The following CCDC63 variants were observed in gnomAD, a reference collection of about 807,000 sequenced individuals.
The protein encoded by CCDC63 is coiled-coil domain containing 63.
A neutral mutation model predicts 63.6 loss-of-function variants in CCDC63; 54 were observed. The observed-to-expected ratio is 0.85, with a 90% CI of 0.68 to 1.07. The LOEUF is 1.07. CCDC63 is among the 50% of genes least tolerant of loss of function. CCDC63 has a pLI of 0.00. For missense variants in CCDC63, 637 were observed against 689.6 expected, an observed-to-expected ratio of 0.92 and a Z score of 0.86; for synonymous variants, 253 against 266.1, an observed-to-expected ratio of 0.95 and a Z score of 0.48.
chr12:110,876,937 G>A (rs1455824411), intron 5 of CCDC63, among the ~76,000 whole-genome samples: 6 of 151,304 alleles, frequency 4.0e-5, no homozygotes, highest in African/African-American at 1.2e-4. Context: ...CTAGCTGCTC[G>A]GTAGGCTGAG....
chr12:110,875,709 T>C (rs190823697), intron 5 of CCDC63, among the ~76,000 whole-genome samples: 1 of 152,346 alleles, frequency 6.6e-6, no homozygotes, highest in East Asian at 1.9e-4. Flanking sequence ...AATGCTCCTT[T>C]TTATATTTCT....
intron 8 of CCDC63, among the ~76,000 whole-genome samples, chr12:110,891,867 G>T (rs1478661518): frequency 1.3e-5 from 2 of 152,134 alleles, no homozygotes; most frequent in African/African-American, 4.8e-5. Context: ...ACAACAGACA[G>T]CCCTGAGGGT....
Position 110,863,747 on chromosome 12 carries a change from G to C in CCDC63, c.369+4972G>C, listed in dbSNP as rs186021673. ...GTAGAGATGGGGTTTCACCATGTTAGCCAGGCTAGTATTGAACTCCTGACC... is the reference window on the plus strand; with the variant it reads ...GTAGAGATGGGGTTTCACCATGTTACCCAGGCTAGTATTGAACTCCTGACC... On this transcript the variant is annotated intron_variant, in intron 4 of 11. Transcript: ENST00000308208. Among the ~76,000 whole-genome samples the C allele has an allele frequency of 2.0e-5, 3 of 152,250 alleles. No homozygotes were observed. The East Asian group carries it at 5.8e-4, about 29-fold the overall frequency.
chr12:110,904,621 T>C lies in CCDC63; in HGVS notation c.1376T>C (p.Leu459Pro). The change falls in exon 11 of 12, where the codon CTG becomes CCG. Residue 459 changes from leucine (L) to proline (P), a missense_variant. Physicochemically the swap from Leu to Pro is moderately conservative, Grantham distance 98 (BLOSUM62 -3). Coordinates refer to ENST00000308208, the MANE Select transcript of CCDC63 (RefSeq NM_152591.3). ...GAAAAGAAGACCAACGACCTGCTGC[T>C]GTTGGAGACCTACAGGCGCATCCTG... ...IIEKKTNDLL[L>P]LETYRRILEV... is the part of the protein sequence containing the mutation. The C allele has an allele frequency of 6.2e-7, 1 of 1,614,096 alleles. No homozygotes were observed. The highest frequency in any genetic ancestry group is 8.5e-7 in the Non-Finnish European group (1 of 1,180,018).
intron 1 of CCDC63, among the ~76,000 whole-genome samples, chr12:110,847,927 G>A (rs550561358): frequency 1.3e-5 from 2 of 152,338 alleles, no homozygotes; most frequent in South Asian, 4.1e-4. Flanking sequence ...CATTCAAACT[G>A]TATTTGCCAA....
At chr12:110,848,895 G>A (rs1328964427) in intron 1 of CCDC63, among the ~76,000 whole-genome samples, 1 of 152,178 alleles carries the variant, frequency 6.6e-6, no homozygotes, top group Non-Finnish European at 1.5e-5. Flanking sequence ...AATTGGAGCT[G>A]CCCCAAATTC....
chr12:110,893,044 T>G (rs769524116), intron 8 of CCDC63, 32 bp from the exon 9 acceptor site: 3 of 1,600,364 alleles, frequency 1.9e-6, no homozygotes, highest in Non-Finnish European at 2.6e-6. Context: ...AAGAGCCCAC[T>G]TTTCCTCATG....
intron 5 of CCDC63, among the ~76,000 whole-genome samples, chr12:110,874,523 G>C (rs2136685579): frequency 6.6e-6 from 1 of 152,312 alleles, no homozygotes. Flanking sequence ...AGGAGGAAGT[G>C]GGGCCTTCAG....
At chr12:110,863,263 C>CGTGTGTGT (rs34959062) in intron 4 of CCDC63, among the ~76,000 whole-genome samples, 6 of 149,130 alleles carry the variant, frequency 4.0e-5, no homozygotes, top group African/African-American at 1.2e-4. Context: ...GTGACACACA[C>CGTGTGTGT]GTGTGTGTGT....
chr12:110,884,283 C>T, intron 8 of CCDC63, 33 bp downstream of exon 8: 2 of 1,553,380 alleles, frequency 1.3e-6, no homozygotes, highest in Non-Finnish European at 1.8e-6. Flanking sequence ...AGGCCCTGGG[C>T]CCCTGTGTCC....
intron 11 of CCDC63, among the ~76,000 whole-genome samples, chr12:110,905,599 C>A (rs2071549738): frequency 6.6e-6 from 1 of 151,670 alleles, no homozygotes; most frequent in South Asian, 2.1e-4. Flanking sequence ...TAAATAAGGT[C>A]CAGCTCATCC....
At chr12:110,859,830 T>A (rs766956861) in intron 4 of CCDC63, among the ~76,000 whole-genome samples, 1 of 152,268 alleles carries the variant, frequency 6.6e-6, no homozygotes, top group East Asian at 1.9e-4. Flanking sequence ...TTACCCTGGC[T>A]TGAAAGGCCC....
chr12:110,862,837 C>T (rs1419525138), intron 4 of CCDC63, among the ~76,000 whole-genome samples: 1 of 151,838 alleles, frequency 6.6e-6, no homozygotes, highest in Non-Finnish European at 1.5e-5. Flanking sequence ...CTCACTGCAA[C>T]CTCCACCTCT....
chr12:110,881,018 G>A (rs1374067462), intron 6 of CCDC63, 97 bp from the exon 7 acceptor site: 2 of 1,072,912 alleles, frequency 1.9e-6, no homozygotes, highest in African/African-American at 1.6e-5. Flanking sequence ...AAAAGTGATA[G>A]TCATTCTCTA....
chr12:110,859,983 C>T (rs1458611545), intron 4 of CCDC63, among the ~76,000 whole-genome samples: 2 of 152,136 alleles, frequency 1.3e-5, no homozygotes, highest in African/African-American at 4.8e-5. Context: ...TTTTCTGTGC[C>T]CCCTCTCCAG....
chr12:110,867,357 C>T (rs2070976585), intron 4 of CCDC63, among the ~76,000 whole-genome samples: 1 of 122,490 alleles, frequency 8.2e-6, no homozygotes, highest in African/African-American at 3.2e-5. Context: ...AGGGCTGACC[C>T]CCCCACCTCC....
chr12:110,865,302 G>A (rs1351738552), intron 4 of CCDC63, among the ~76,000 whole-genome samples: 1 of 152,036 alleles, frequency 6.6e-6, no homozygotes, highest in Non-Finnish European at 1.5e-5. Flanking sequence ...TCATCAGAGC[G>A]CTGTGGCTCC....
chr12:110,906,061 T>TATATTATAATAATATA, intron 11 of CCDC63, among the ~76,000 whole-genome samples: 1 of 91,438 alleles, frequency 1.1e-5, no homozygotes, highest in East Asian at 2.8e-4. Context: ...ATATATATAA[T>TATATTATAATAATATA]ATATATACTT....
chr12:110,875,305 C>T (rs1342673289), intron 5 of CCDC63, among the ~76,000 whole-genome samples: 1 of 152,204 alleles, frequency 6.6e-6, no homozygotes, highest in Non-Finnish European at 1.5e-5. Context: ...TATTAGCAAA[C>T]CCAGAGAGAC....
Sources: gnomAD v4.1 joint callset for allele counts (sites outside exome capture counted in the v4.1 genomes callset) on GRCh38, gnomAD v4.1.1 for gene constraint, MANE v1.5 for transcripts, NCBI Gene and HGNC (gene_info 2026-07-23, HGNC 2026-07-21) for gene names.